WNT9A: variants seen among roughly 807,000 people sequenced by gnomAD.
WNT9A encodes the protein protein Wnt-9a.
A neutral mutation model predicts 31.4 loss-of-function variants in WNT9A; 8 were observed. That is an observed-to-expected ratio of 0.26 (90% CI 0.15 to 0.46). The LOEUF (loss-of-function observed/expected upper bound fraction) is 0.46, where lower values mean the gene tolerates loss of function less well. WNT9A is among the 20% of genes least tolerant of loss of function. The pLI, the probability that WNT9A is intolerant of heterozygous loss-of-function variation, is 0.99. For missense variants in WNT9A, 457 were observed against 522.9 expected (o/e 0.87, Z 1.23); for synonymous variants, 236 against 220.1 (o/e 1.07, Z -0.64).
chr1:227,935,373 A>G (rs1175704242), intron 1 of WNT9A, among the ~76,000 whole-genome samples: 1 of 152,196 alleles, frequency 6.6e-6, no homozygotes, highest in Non-Finnish European at 1.5e-5. Context: ...TCTGTTTGCC[A>G]TAGAGAGCCT....
In WNT9A at chr1:227,925,204, C is replaced by A; in HGVS notation, c.352+59G>T. The A allele has an allele frequency of 6.9e-7, 1 of 1,458,944 alleles. No individual in the cohort carries two copies. The highest frequency in any genetic ancestry group is 1.4e-5 in the South Asian group (1 of 71,980). The allele number at this position is 1,458,944 out of a possible 1,614,324, so 90.4% of individuals were successfully genotyped here. ...TAAGAGGGGCCTCTTGGGATATGGA[C>A]AAGGCCTGGGCTGCCACCTGTCTGG... On this transcript the variant is annotated intron_variant, in intron 2 of 3. Transcript: ENST00000272164. This position sits in a 1 kb window ranked among gnomAD's most constrained non-coding sequence, Gnocchi z 6.0.
In WNT9A at chr1:227,942,678, C is replaced by T. The variant is rs1035951286; in HGVS notation, c.95+5115G>A. Among the ~76,000 whole-genome samples, 7 of 152,176 alleles carry T rather than the reference C, an allele frequency of 4.6e-5. No homozygotes were observed. Among genetic ancestry groups the T allele is most frequent in the African/African-American group, 7.2e-5 (3 of 41,444 alleles). On this transcript the variant is annotated intron_variant, in intron 1 of 3. Coordinates refer to ENST00000272164, the MANE Select transcript of WNT9A (RefSeq NM_003395.4). The surrounding 1 kb of genome is among the most constrained non-coding windows in gnomAD (Gnocchi z 5.7). The stretch of plus-strand genomic sequence containing the variant: ...CCCTTTCCTCCCTGCCCTTCTGGCC[C>T]TCCAGAGCACTCTGTGTGGCCTTTC...
At chr1:227,945,790 G>C (rs1351048687) in intron 1 of WNT9A, among the ~76,000 whole-genome samples, 1 of 152,088 alleles carries the variant, frequency 6.6e-6, no homozygotes, top group Non-Finnish European at 1.5e-5. Flanking sequence ...ACCCAGCCTG[G>C]AGCCCTTTGT....
At chr1:227,944,817 G>A (rs1666769384) in intron 1 of WNT9A, among the ~76,000 whole-genome samples, 1 of 152,230 alleles carries the variant, frequency 6.6e-6, no homozygotes, top group Non-Finnish European at 1.5e-5. Flanking sequence ...TTTCCTGAGT[G>A]ATGTAAACTG....
At chr1:227,923,989 GCACGGCCTC>G in intron 3 of WNT9A, 140 bp downstream of exon 3, 1 of 1,161,516 alleles carries the variant, frequency 8.6e-7, no homozygotes, top group Non-Finnish European at 1.2e-6. Flanking sequence ...GACTGGCGCT[GCACGGCCTC>G]CACCCTCCTA....
At chr1:227,930,206 T>C (rs1245958185) in intron 1 of WNT9A, among the ~76,000 whole-genome samples, 2 of 152,316 alleles carry the variant, frequency 1.3e-5, no homozygotes, top group African/African-American at 4.8e-5. Context: ...ACGTGGTCCA[T>C]GAGCAGCCAG....
chr1:227,930,379 C>T (rs1012500886), intron 1 of WNT9A, among the ~76,000 whole-genome samples: 9 of 152,176 alleles, frequency 5.9e-5, no homozygotes, highest in Non-Finnish European at 1.0e-4. Context: ...CACGTTCTTC[C>T]CCATACAGCT....
At chr1:227,927,340 G>A (rs1019774385) in intron 1 of WNT9A, among the ~76,000 whole-genome samples, 4 of 152,172 alleles carry the variant, frequency 2.6e-5, no homozygotes, top group African/African-American at 4.8e-5. Context: ...CCAGAGGCAC[G>A]GGCCCCATGC....
chr1:227,938,769 A>G (rs2527614), intron 1 of WNT9A, among the ~76,000 whole-genome samples: 82,581 of 151,970 alleles, frequency 0.54, 22,801 homozygotes, highest in African/African-American at 0.65. Context: ...TGCTGAAAAC[A>G]GGCATCTATG....
Position 227,924,053 on chromosome 1 carries a change from C to CCCCCCCCCG in WNT9A, c.615+84_615+85insCGGGGGGGG. ...GTGCCTGCCTGCCCTGCTGCAGCCC[C>CCCCCCCCCG]GCCCCCAGTCCCACGCCCCACCCCC... is the stretch of plus-strand genomic sequence containing the variant. On this transcript the variant is annotated intron_variant, in intron 3 of 3. Transcript: ENST00000272164. 27 of 1,090,066 alleles carry CCCCCCCCCG rather than the reference C, an allele frequency of 2.5e-5. 1 individual carries two copies. Among genetic ancestry groups the CCCCCCCCCG allele is most frequent in the Non-Finnish European group, 2.9e-5 (23 of 803,294 alleles). The allele number at this position is 1,090,066 out of a possible 1,614,324, so 67.5% of individuals were successfully genotyped here. A position where few individuals can be genotyped will look rare whatever the true frequency, so the allele number is the denominator to read the frequency against.
intron 1 of WNT9A, among the ~76,000 whole-genome samples, chr1:227,947,191 C>A (rs1205432010): frequency 6.6e-6 from 1 of 152,114 alleles, no homozygotes; most frequent in East Asian, 1.9e-4. Context: ...CGGCCGGGCC[C>A]TGCGCTCCCG....
chr1:227,944,151 G>T (rs911508777), intron 1 of WNT9A, among the ~76,000 whole-genome samples: 20 of 152,220 alleles, frequency 1.3e-4, no homozygotes, highest in Non-Finnish European at 2.2e-4. Context: ...GTCAACTGAT[G>T]AACGGTCAAA....
intron 1 of WNT9A, among the ~76,000 whole-genome samples, chr1:227,947,461 G>T (rs1023255542): frequency 6.6e-6 from 1 of 152,182 alleles, no homozygotes; most frequent in Admixed American, 6.5e-5. Flanking sequence ...CAGCCTTTTG[G>T]CAAGGACACG....
At chr1:227,933,028 C>G (rs972411363) in intron 1 of WNT9A, among the ~76,000 whole-genome samples, 13 of 152,202 alleles carry the variant, frequency 8.5e-5, no homozygotes, top group African/African-American at 3.1e-4. Flanking sequence ...AGAGAGTCAC[C>G]CTGTCCTTTG....
chr1:227,925,473 G>C lies in WNT9A; in HGVS notation c.142C>G (p.Pro48Ala). The change falls in exon 2 of 4, where the codon CCA becomes GCA. Residue 48 changes from proline to alanine, a missense_variant. Transcript: ENST00000272164. The surrounding 1 kb of genome is among the most constrained non-coding windows in gnomAD (Gnocchi z 6.0). ...PLTILPLTLE[P>A]EAAAQAHYKA... The stretch of plus-strand genomic sequence containing the variant: ...TAGTGCGCCTGGGCAGCCGCCTCTG[G>C]CTCCAGGGTCAGCGGGAGGATGGTC... 6.3e-7 allele frequency: 1 copy of C among 1,577,452 alleles called. No individual in the cohort carries two copies. Among genetic ancestry groups the C allele is most frequent in the Non-Finnish European group, 8.6e-7 (1 of 1,165,970 alleles).
intron 1 of WNT9A, among the ~76,000 whole-genome samples, chr1:227,946,604 G>C (rs1666797059): frequency 6.6e-6 from 1 of 152,252 alleles, no homozygotes; most frequent in Non-Finnish European, 1.5e-5. Context: ...GACCCTGGAA[G>C]ACGACCCAGA....
At chr1:227,934,358 C>A (rs1241480567) in intron 1 of WNT9A, among the ~76,000 whole-genome samples, 1 of 152,152 alleles carries the variant, frequency 6.6e-6, no homozygotes, top group African/African-American at 2.4e-5. Flanking sequence ...GACTTAGTTT[C>A]TATTACTTTT....
chr1:227,922,896 C>T (rs944082441), intron 3 of WNT9A, among the ~76,000 whole-genome samples: 13 of 152,116 alleles, frequency 8.5e-5, no homozygotes, highest in Admixed American at 2.0e-4. Flanking sequence ...ACCTCTGGCC[C>T]GGCAACCGAA....
rs753613309 is a variant in WNT9A at position 227,925,507 on chromosome 1, G to A, written c.108C>T (p.Ser36=). ...PSAAYFGLTG[S]EPLTILPLTL... ...TCAGCGGGAGGATGGTCAGGGGCTCGCTGCCCGTCAGCCTGGGCACAGAGA... is the reference window on the plus strand; with the variant it reads ...TCAGCGGGAGGATGGTCAGGGGCTCACTGCCCGTCAGCCTGGGCACAGAGA... The change falls in exon 2 of 4, where the codon AGC becomes AGT. Residue 36 remains serine, a synonymous_variant. Coordinates refer to ENST00000272164, the MANE Select transcript of WNT9A (RefSeq NM_003395.4). The surrounding 1 kb of genome is among the most constrained non-coding windows in gnomAD (Gnocchi z 6.0). 3.3e-5 allele frequency: 51 copies of A among 1,548,900 alleles called. No homozygotes were observed. The East Asian group carries it at 7.9e-4, about 24-fold the overall frequency.
Sources: allele counts gnomAD v4.1 joint callset (sites outside exome capture counted in the v4.1 genomes callset), GRCh38; gene constraint gnomAD v4.1.1; non-coding constraint Gnocchi (gnomAD v3.1); transcripts MANE v1.5; gene names NCBI Gene and HGNC (gene_info 2026-07-23, HGNC 2026-07-21).